The following TUSC3 variants were observed in gnomAD, a reference collection of about 807,000 sequenced individuals.
TUSC3 encodes tumor suppressor candidate 3.
Under a neutral mutation model 44.8 loss-of-function variants are expected in TUSC3, and 45 were observed. The ratio of observed to expected loss-of-function variants is 1.00; its 90% CI spans 0.79 to 1.29. The LOEUF (loss-of-function observed/expected upper bound fraction) is 1.29. TUSC3 is among the 50% of genes most tolerant of loss of function. The pLI is 0.00. For missense variants in TUSC3, 519 were observed against 437.9 expected (o/e 1.19, Z -1.65); for synonymous variants, 212 against 152.9 (o/e 1.39, Z -2.85).
At chr8:15,544,569 G>A (rs1181486897) in intron 1 of TUSC3, among the ~76,000 whole-genome samples, 2 of 151,726 alleles carry the variant, frequency 1.3e-5, no homozygotes, top group African/African-American at 4.8e-5. Flanking sequence ...ACTTCTATAT[G>A]TCATTAATGT....
Position 15,446,099 on chromosome 8 carries a change from T to C in TUSC3, n.91+28794T>C, listed in dbSNP as rs184826019. Among the ~76,000 whole-genome samples the C allele has an allele frequency of 2.8e-3, 394 of 138,674 alleles. 2 individuals carry two copies. In the East Asian group the frequency reaches 0.045, roughly 16 times the overall value. The allele number at this position is 138,674 out of a possible 152,430, so 91.0% of individuals were successfully genotyped here. A position where few individuals can be genotyped will look rare whatever the true frequency, so the allele number is the denominator to read the frequency against. ...CTCACCTCCCAGACGGGGTGGCGGT[T>C]GGGCAGAGACACTCCTCAGATCCCA... On this transcript the variant is annotated intron_variant and non_coding_transcript_variant, in intron 1 of 5. Coordinates refer to the TUSC3 transcript ENST00000503191.
intron 6 of TUSC3, among the ~76,000 whole-genome samples, chr8:15,730,285 T>G (rs1810664604): frequency 6.6e-6 from 1 of 152,162 alleles, no homozygotes; most frequent in African/African-American, 2.4e-5. Context: ...AAAGGAGTGA[T>G]TAGACATTTG....
chr8:15,708,102 C>G (rs1436111314), intron 6 of TUSC3, among the ~76,000 whole-genome samples: 2 of 151,884 alleles, frequency 1.3e-5, no homozygotes, highest in African/African-American at 4.8e-5. Flanking sequence ...AAATCTGTTT[C>G]CAAATAAGGT....
chr8:15,777,476 C>A, the TUSC3 span, among the ~76,000 whole-genome samples: 1 of 152,094 alleles, frequency 6.6e-6, no homozygotes, highest in African/African-American at 2.4e-5. Context: ...TGCTTAAATA[C>A]ACACATGAAC....
chr8:15,532,526 A>G (rs1801462878), intron 2 of TUSC3, among the ~76,000 whole-genome samples: 1 of 152,186 alleles, frequency 6.6e-6, no homozygotes, highest in African/African-American at 2.4e-5. Context: ...TATTTAAAGT[A>G]AAAAGGGCAG....
intron 1 of TUSC3, among the ~76,000 whole-genome samples, chr8:15,596,287 G>A (rs1804062511): frequency 6.6e-6 from 1 of 152,094 alleles, no homozygotes. Flanking sequence ...TTTTAGGGGT[G>A]TTTTAGTAAA....
At chr8:15,734,424 A>G (rs1380180496) in intron 7 of TUSC3, among the ~76,000 whole-genome samples, 1 of 152,176 alleles carries the variant, frequency 6.6e-6, no homozygotes, top group African/African-American at 2.4e-5. Context: ...AATCCTAAGT[A>G]GTCTTTGAGA....
At chr8:15,483,268 A>C (rs1800687444) in intron 1 of TUSC3, 1 of 183,086 alleles carries the variant, frequency 5.5e-6, no homozygotes, top group Admixed American at 5.4e-5. Flanking sequence ...ATGGGTTATT[A>C]GTTTTTTTAA....
At chr8:15,442,461 C>G (rs1481445483) in intron 1 of TUSC3, among the ~76,000 whole-genome samples, 3 of 152,164 alleles carry the variant, frequency 2.0e-5, no homozygotes, top group African/African-American at 7.2e-5. Context: ...TGCTTTCTAA[C>G]AAAACTAATA....
chr8:15,571,293 A>T (rs148372790), intron 1 of TUSC3, among the ~76,000 whole-genome samples: 2 of 152,042 alleles, frequency 1.3e-5, no homozygotes, highest in African/African-American at 4.8e-5. Context: ...TATACTTTCA[A>T]TTGAATACAG....
intron 2 of TUSC3, among the ~76,000 whole-genome samples, chr8:15,633,824 T>C (rs892095314): frequency 3.3e-5 from 5 of 152,188 alleles, no homozygotes; most frequent in Non-Finnish European, 1.5e-5. Flanking sequence ...ACTATGAGGT[T>C]TTTTTTGTTT....
At chr8:15,616,466 A>G (rs949231465) in intron 1 of TUSC3, among the ~76,000 whole-genome samples, 11 of 152,128 alleles carry the variant, frequency 7.2e-5, no homozygotes, top group Admixed American at 1.3e-4. Context: ...TAATCAGTCT[A>G]CTCGGGAAGC....
chr8:15,606,511 C>T (rs1804533305), intron 1 of TUSC3, among the ~76,000 whole-genome samples: 1 of 151,944 alleles, frequency 6.6e-6, no homozygotes, highest in Non-Finnish European at 1.5e-5. Context: ...AAATATTTAG[C>T]ATGTATGTAA....
rs184746024 is a variant in TUSC3, at chr8:15,495,629, A to C, written n.189+12146A>C. On this transcript the variant is annotated intron_variant and non_coding_transcript_variant, in intron 2 of 5. Transcript: ENST00000503191. ...CTAATGCACAATTCTACCCAAGAAA[A>C]TAAGCACAGCTCCCTTTGGGGGGCA... Among the ~76,000 whole-genome samples the C allele has an allele frequency of 5.3e-5, 8 of 152,206 alleles. No individual in the cohort carries two copies. The East Asian group carries it at 1.4e-3, about 26-fold the overall frequency.
At chr8:15,426,554 C>A (rs1350216473) in intron 1 of TUSC3, among the ~76,000 whole-genome samples, 1 of 152,170 alleles carries the variant, frequency 6.6e-6, no homozygotes, top group Non-Finnish European at 1.5e-5. Flanking sequence ...GGTTCATACA[C>A]CTTGTCACAA....
At chr8:15,478,190 T>C (rs903233787) in intron 1 of TUSC3, among the ~76,000 whole-genome samples, 2 of 152,230 alleles carry the variant, frequency 1.3e-5, no homozygotes, top group South Asian at 4.1e-4. Flanking sequence ...GGTCTCAAAG[T>C]CCGGGCCTCA....
chr8:15,667,346 A>G (rs1392769295), intron 5 of TUSC3, among the ~76,000 whole-genome samples: 2 of 151,788 alleles, frequency 1.3e-5, no homozygotes, highest in Middle Eastern at 6.8e-3. Context: ...GTATTTCTGT[A>G]TAACACTGAA....
At chr8:15,457,173 G>A (rs964856422) in intron 1 of TUSC3, among the ~76,000 whole-genome samples, 1 of 129,634 alleles carries the variant, frequency 7.7e-6, no homozygotes, top group Non-Finnish European at 1.6e-5. Flanking sequence ...GTTGTGAGGT[G>A]GGGGGAGGGG....
At chr8:15,618,618 C>T (rs1432263056) in intron 1 of TUSC3, among the ~76,000 whole-genome samples, 1 of 152,138 alleles carries the variant, frequency 6.6e-6, no homozygotes, top group Non-Finnish European at 1.5e-5. Flanking sequence ...AAGGACCTGC[C>T]TGAGGCTGTT....
Sources: allele counts gnomAD v4.1 joint callset (sites outside exome capture counted in the v4.1 genomes callset), GRCh38; gene constraint gnomAD v4.1.1; transcripts MANE v1.5; gene names NCBI Gene and HGNC (gene_info 2026-07-23, HGNC 2026-07-21).